HPX: variants seen among roughly 807,000 people sequenced by gnomAD.
HPX encodes the protein beta-1B-glycoprotein.
In HPX, 42 loss-of-function variants were observed where a neutral mutation model predicts 53.8. The observed-to-expected ratio is 0.78, with a 90% CI of 0.61 to 1.01. HPX has a LOEUF of 1.01. Ranked by LOEUF, HPX falls within the 50% of genes least tolerant of loss-of-function variation. The pLI, the probability that HPX is intolerant of heterozygous loss-of-function variation, is 0.00. For missense variants in HPX, 547 were observed against 594.3 expected (o/e 0.92, Z 0.83); for synonymous variants, 229 against 221.1 (o/e 1.04, Z -0.32).
At chr11:6,440,345 G>A in intron 3 of HPX, 59 bp from the exon 4 acceptor site, 4 of 1,608,350 alleles carry the variant, frequency 2.5e-6, no homozygotes, top group Non-Finnish European at 3.4e-6. Flanking sequence ...TACTGAGATA[G>A]CTTGAGAGAA....
At chr11:6,437,325 T>C (rs1849428875) in intron 6 of HPX, 115 bp downstream of exon 6, 2 of 1,370,818 alleles carry the variant, frequency 1.5e-6, no homozygotes, top group African/African-American at 2.9e-5. Context: ...GGGGCTAGAT[T>C]AAGGGCCAAG....
chr11:6,435,389 T>G (rs895247667), intron 7 of HPX, among the ~76,000 whole-genome samples: 6 of 151,972 alleles, frequency 3.9e-5, no homozygotes, highest in African/African-American at 1.5e-4. Context: ...TTTACCAAAA[T>G]AGTGCATTCT....
At position 6,435,437 on chromosome 11, in the gene HPX, T is replaced by G. The variant is rs576573386; in HGVS notation, c.835+1609A>C. ...GTATATATATATATATATGGGTTTT[T>G]TGTTTGTTTGTTTGTTTTGTTTTGT... On this transcript the variant is annotated intron_variant, in intron 7 of 9. Transcript: ENST00000265983. Among the ~76,000 whole-genome samples, 4 of 151,372 alleles carry G rather than the reference T, an allele frequency of 2.6e-5. No homozygotes were observed. In the South Asian group the frequency reaches 8.4e-4, roughly 32 times the overall value.
At chr11:6,436,917 G>T in intron 7 of HPX, 129 bp downstream of exon 7, 1 of 1,002,492 alleles carries the variant, frequency 1.0e-6, no homozygotes, top group Non-Finnish European at 1.5e-6. Context: ...AGAAGGGCAT[G>T]CAGAAGGATG....
At chr11:6,436,828 T>C (rs1162009565) in intron 7 of HPX, among the ~76,000 whole-genome samples, 2 of 152,060 alleles carry the variant, frequency 1.3e-5, no homozygotes, top group African/African-American at 4.8e-5. Context: ...TGGGAGTAGA[T>C]GGTAGACAGG....
intron 7 of HPX, 34 bp downstream of exon 7, chr11:6,437,010 TGA>T: frequency 6.2e-7 from 1 of 1,608,548 alleles, no homozygotes; most frequent in South Asian, 1.1e-5. Flanking sequence ...AAAAGAGATG[TGA>T]GAGCACATTG....
At chr11:6,440,003 T>A in intron 4 of HPX, 162 bp downstream of exon 4, 1 of 863,636 alleles carries the variant, frequency 1.2e-6, no homozygotes. Context: ...CCCACACGCA[T>A]GCACACTCCC....
In HPX at chr11:6,431,187, G is replaced by T; in HGVS notation, c.*24C>A. 1.2e-6 allele frequency: 2 copies of T among 1,613,598 alleles called. No homozygotes were observed. The highest frequency in any genetic ancestry group is 1.7e-6 in the Non-Finnish European group (2 of 1,179,698). On this transcript the variant is annotated 3_prime_UTR_variant, in exon 10 of 10. Transcript: ENST00000265983. The stretch of plus-strand genomic sequence containing the variant: ...ATGAGGAACTAGGAGGTGGGGCCAG[G>T]CCAGACTCATGTCAGAAGGCCCCTC...
chr11:6,431,319 G>A lies in HPX; in HGVS notation c.1281C>T (p.Leu427=), dbSNP rs763791116. The change falls in exon 10 of 10, where the codon CTC becomes CTT. Residue 427 remains leucine, a synonymous_variant. Transcript: ENST00000265983. ...SCSANGPGLY[L]IHGPNLYCYS... ...AGCAGTACAAATTGGGACCATGGATGAGGTACAAGCCGGGACCATTGGCGG... is the reference window on the plus strand; with the variant it reads ...AGCAGTACAAATTGGGACCATGGATAAGGTACAAGCCGGGACCATTGGCGG... The A allele has an allele frequency of 6.2e-7, 1 of 1,614,266 alleles. No homozygotes were observed.
rs577622412 is a variant in HPX at position 6,440,535 on chromosome 11, C to T, written c.146G>A (p.Arg49His). 20 of 1,421,392 alleles carry T rather than the reference C, an allele frequency of 1.4e-5. No homozygotes were observed. Among genetic ancestry groups the T allele is most frequent in the Admixed American group, 7.7e-5 (4 of 52,158 alleles). 88.0% of individuals were successfully genotyped at this position (1,421,392 alleles called of 1,614,324 possible). Reference sequence around the variant, plus strand: ...ATCAAAGCTCCAGCCATCTGAGCAGCGTTCTGGGGTGGAGGTAGGGAGATG... The same window carrying T: ...ATCAAAGCTCCAGCCATCTGAGCAGTGTTCTGGGGTGGAGGTAGGGAGATG... ...ETKPDPDVTERCSDGWSFDAT... is the reference protein window; with the variant it reads ...ETKPDPDVTEHCSDGWSFDAT... The change falls in exon 3 of 10, where the codon CGC (arginine) becomes CAC (histidine). Residue 49 changes from arginine (R) to histidine (H), a missense_variant. Transcript: ENST00000265983.
chr11:6,434,253 G>C (rs1417071733), intron 7 of HPX, among the ~76,000 whole-genome samples: 2 of 152,128 alleles, frequency 1.3e-5, no homozygotes, highest in African/African-American at 4.8e-5. Flanking sequence ...TGAGTATACA[G>C]CGGTGACTGA....
Position 6,431,884 on chromosome 11 carries a change from C to G in HPX, c.966+3G>C. ...TACCTCAAGCCTCTCCCCCAATACA[C>G]ACCTGGACCAGATAGAGTTTTTCTT... is the stretch of plus-strand genomic sequence containing the variant. On this transcript the variant is annotated splice_donor_region_variant and intron_variant, in intron 8 of 9. Coordinates refer to ENST00000265983, the MANE Select transcript of HPX (RefSeq NM_000613.3). 1 of 1,614,168 alleles carries G rather than the reference C, an allele frequency of 6.2e-7. No individual in the cohort carries two copies. The highest frequency in any genetic ancestry group is 8.5e-7 in the Non-Finnish European group (1 of 1,180,032).
At chr11:6,432,163 G>A in intron 7 of HPX, 146 bp from the exon 8 acceptor site, 4 of 855,316 alleles carry the variant, frequency 4.7e-6, no homozygotes, top group Non-Finnish European at 7.3e-6. Flanking sequence ...AGGAGAAATA[G>A]AGCAAGACTT....
At chr11:6,439,861 T>C (rs1331467040) in intron 4 of HPX, 1 of 404,870 alleles carries the variant, frequency 2.5e-6, no homozygotes, top group African/African-American at 2.1e-5. Context: ...GAGGACTTGA[T>C]ACAGGGTCAT....
At chr11:6,437,288 G>A in intron 6 of HPX, 111 bp from the exon 7 acceptor site, 1 of 1,411,864 alleles carries the variant, frequency 7.1e-7, no homozygotes, top group South Asian at 1.3e-5. Flanking sequence ...CCCATATGAG[G>A]GCAATGGGAA....
In HPX at chr11:6,440,282, C is replaced by A; in HGVS notation, c.219G>T (p.Glu73Asp). Residue 73 changes from glutamate to aspartate, a missense_variant, in exon 4 of 10, where the codon GAG (glutamate) becomes GAT (aspartate). Coordinates refer to ENST00000265983, the MANE Select transcript of HPX (RefSeq NM_000613.3). ...CCCATTTGTGACTCTTCCACACAAA[C>A]TCCCCTGAAAAAACCCACACTCACT... The part of the protein sequence containing the change: ...DNGTMLFFKG[E>D]FVWKSHKWDR... 6.2e-7 allele frequency: 1 copy of A among 1,613,922 alleles called. No individual in the cohort carries two copies. The highest frequency in any genetic ancestry group is 8.5e-7 in the Non-Finnish European group (1 of 1,180,022).
At chr11:6,434,524 T>G (rs1240413111) in intron 7 of HPX, among the ~76,000 whole-genome samples, 1 of 152,044 alleles carries the variant, frequency 6.6e-6, no homozygotes, top group Non-Finnish European at 1.5e-5. Context: ...AGAGATGAGA[T>G]TTCACCATGT....
chr11:6,434,094 G>A lies in HPX; in HGVS notation c.836-2077C>T, dbSNP rs1028298454. Among the ~76,000 whole-genome samples the A allele has an allele frequency of 2.0e-5, 3 of 152,140 alleles. No individual in the cohort carries two copies. The East Asian group carries it at 5.8e-4, about 29-fold the overall frequency. Reference sequence around the variant, plus strand: ...GTCCTCTCTCACTTTAGCAGAGCCTGTCAGGGCAGGCATCTTGTCTGCCAT... The same window carrying A: ...GTCCTCTCTCACTTTAGCAGAGCCTATCAGGGCAGGCATCTTGTCTGCCAT... On this transcript the variant is annotated intron_variant, in intron 7 of 9. Coordinates refer to ENST00000265983, the MANE Select transcript of HPX (RefSeq NM_000613.3).
At chr11:6,438,828 C>A (rs1849450418) in intron 4 of HPX, among the ~76,000 whole-genome samples, 2 of 152,136 alleles carry the variant, frequency 1.3e-5, no homozygotes, top group South Asian at 4.1e-4. Flanking sequence ...TACGTTATTT[C>A]TTCATTCATT....
Sources: allele counts gnomAD v4.1 joint callset (sites outside exome capture counted in the v4.1 genomes callset), GRCh38; gene constraint gnomAD v4.1.1; transcripts MANE v1.5; gene names NCBI Gene and HGNC (gene_info 2026-07-23, HGNC 2026-07-21).